CEP112: variants seen among roughly 807,000 people sequenced by gnomAD.
CEP112 encodes centrosomal protein 112.
A neutral mutation model predicts 153.0 loss-of-function variants in CEP112; 127 were observed. The ratio of observed to expected loss-of-function variants is 0.83; its 90% CI spans 0.72 to 0.96. The LOEUF (loss-of-function observed/expected upper bound fraction) is 0.96, where lower values mean the gene tolerates loss of function less well. CEP112 is among the 40% of genes least tolerant of loss of function. The pLI is 0.00. For missense variants in CEP112, 1,089 were observed against 1,101.2 expected (o/e 0.99, Z 0.16); for synonymous variants, 358 against 374.4 (o/e 0.96, Z 0.51).
chr17:66,149,894 T>TTG lies in CEP112; in HGVS notation c.471-17132_471-17131insCA, dbSNP rs534036143. On this transcript the variant is annotated intron_variant, in intron 4 of 26. Coordinates refer to ENST00000535342, the MANE Select transcript of CEP112 (RefSeq NM_001199165.4). ...TTTTTTTTTTTGTTTGTTTGTTTTT[T>TTG]TTTTTTTTTTTTTTTGAGATGGAGT... 3.8e-4 allele frequency among the ~76,000 whole-genome samples: 40 copies of TTG among 104,276 alleles called. 2 individuals carry two copies. The South Asian group carries it at 7.6e-3, about 20-fold the overall frequency. The allele number at this position is 104,276 out of a possible 152,430, so 68.4% of individuals were successfully genotyped here.
intron 21 of CEP112, among the ~76,000 whole-genome samples, chr17:65,802,917 T>C (rs2145838055): frequency 6.6e-6 from 1 of 152,352 alleles, no homozygotes; most frequent in South Asian, 2.1e-4. Context: ...CTCTCATCTC[T>C]TGAATGTGGG....
chr17:65,997,764 A>T (rs1451785145), intron 17 of CEP112, among the ~76,000 whole-genome samples: 1 of 137,130 alleles, frequency 7.3e-6, no homozygotes, highest in Non-Finnish European at 1.6e-5. Flanking sequence ...ATCCCTTTCA[A>T]TGCATTTATA....
At chr17:65,966,993 A>G (rs1274672295) in intron 17 of CEP112, among the ~76,000 whole-genome samples, 2 of 152,238 alleles carry the variant, frequency 1.3e-5, no homozygotes, top group African/African-American at 4.8e-5. Flanking sequence ...AAGGCAAGGA[A>G]TGGATTATTC....
At chr17:66,121,501 T>C (rs1438838783) in intron 6 of CEP112, among the ~76,000 whole-genome samples, 2 of 152,154 alleles carry the variant, frequency 1.3e-5, no homozygotes, top group Admixed American at 6.5e-5. Context: ...GGTGCACTTA[T>C]GGTATTCCAC....
intron 20 of CEP112, among the ~76,000 whole-genome samples, chr17:65,872,264 TTAAA>T (rs1413916586): frequency 6.6e-6 from 1 of 152,068 alleles, no homozygotes; most frequent in Non-Finnish European, 1.5e-5. Flanking sequence ...AAGGCTATTC[TTAAA>T]TAAATTCAAG....
At chr17:66,184,264 TAAAA>T (rs1265546363) in intron 1 of CEP112, among the ~76,000 whole-genome samples, 1 of 151,120 alleles carries the variant, frequency 6.6e-6, no homozygotes, top group Non-Finnish European at 1.5e-5. Flanking sequence ...ATCTCAAAAA[TAAAA>T]AAGAAAGCTG....
intron 12 of CEP112, among the ~76,000 whole-genome samples, chr17:66,051,020 C>T (rs913503261): frequency 1.1e-4 from 16 of 152,076 alleles, no homozygotes; most frequent in African/African-American, 3.9e-4. Flanking sequence ...GGATCCATTG[C>T]CCAAGCTGGC....
At chr17:65,663,774 G>C (rs1301702390) in intron 24 of CEP112, among the ~76,000 whole-genome samples, 1 of 152,174 alleles carries the variant, frequency 6.6e-6, no homozygotes, top group African/African-American at 2.4e-5. Context: ...AACAGTTTTG[G>C]GGGGAAGCAA....
intron 19 of CEP112, among the ~76,000 whole-genome samples, chr17:65,921,724 G>T (rs564070072): frequency 6.6e-6 from 1 of 152,146 alleles, no homozygotes; most frequent in Admixed American, 6.5e-5. Flanking sequence ...GGATGCAATG[G>T]TGTATGGCTT....
At chr17:66,008,325 A>G (rs1052223187) in intron 16 of CEP112, among the ~76,000 whole-genome samples, 5 of 152,114 alleles carry the variant, frequency 3.3e-5, no homozygotes, top group African/African-American at 9.7e-5. Flanking sequence ...AATAATCACC[A>G]TATTATATCT....
At chr17:65,969,743 CTA>C (rs1229454944) in intron 17 of CEP112, among the ~76,000 whole-genome samples, 1 of 151,938 alleles carries the variant, frequency 6.6e-6, no homozygotes, top group African/African-American at 2.4e-5. Context: ...CATGCATACA[CTA>C]CACGAATGCT....
intron 19 of CEP112, among the ~76,000 whole-genome samples, chr17:65,903,580 G>A (rs1195069052): frequency 6.6e-5 from 10 of 152,050 alleles, no homozygotes; most frequent in Middle Eastern, 3.2e-3. Flanking sequence ...TCCAAACAGC[G>A]GAAAAAGTGG....
intron 16 of CEP112, among the ~76,000 whole-genome samples, chr17:66,026,528 T>C (rs11653887): frequency 0.51 from 78,249 of 151,970 alleles, 21,073 homozygotes; most frequent in African/African-American, 0.59. Context: ...ATACATCCCA[T>C]TGATTGTGTA....
rs182322121 is a variant in CEP112 at position 66,175,435 on chromosome 17, T to C, written c.298-219A>G. ...TAGTTGCACTCTACTGTCTAAGAAA[T>C]ACAATAAACAGAAGTACATAACAGA... On this transcript the variant is annotated intron_variant, in intron 3 of 26. Transcript: ENST00000535342. Among the ~76,000 whole-genome samples the C allele has an allele frequency of 3.3e-5, 5 of 152,254 alleles. No individual in the cohort carries two copies. The East Asian group carries it at 7.7e-4, about 23-fold the overall frequency.
rs914668307 is a variant in CEP112, at chr17:66,174,284, A to G, written c.470+760T>C. On this transcript the variant is annotated intron_variant, in intron 4 of 26. Coordinates refer to ENST00000535342, the MANE Select transcript of CEP112 (RefSeq NM_001199165.4). ...TCTGAAAAACATATAAACAGACTAC[A>G]TCAACTGTGGAGACATTTCAAATTA... Among the ~76,000 whole-genome samples, 4 of 152,360 alleles carry G rather than the reference A, an allele frequency of 2.6e-5. No individual in the cohort carries two copies. In the South Asian group the frequency reaches 6.2e-4, roughly 24 times the overall value.
chr17:66,111,094 A>T (rs1023619824), intron 6 of CEP112, among the ~76,000 whole-genome samples: 5 of 152,234 alleles, frequency 3.3e-5, no homozygotes, highest in African/African-American at 1.2e-4. Flanking sequence ...GCCAACAAGC[A>T]TACGGAAAAA....
At chr17:66,190,325 GA>G (rs1222424214) in intron 1 of CEP112, among the ~76,000 whole-genome samples, 1 of 149,192 alleles carries the variant, frequency 6.7e-6, no homozygotes, top group Non-Finnish European at 1.5e-5. Flanking sequence ...AAAAAAAATT[GA>G]AAATGAAAAA....
At chr17:65,875,169 TTGA>T (rs1389021857) in intron 20 of CEP112, among the ~76,000 whole-genome samples, 1 of 151,892 alleles carries the variant, frequency 6.6e-6, no homozygotes, top group African/African-American at 2.4e-5. Flanking sequence ...TGAAAAAAAA[TTGA>T]TGATGAATTA....
Position 65,851,998 on chromosome 17 carries a change from T to C in CEP112, c.2200A>G (p.Arg734Gly), listed in dbSNP as rs2057950775. The change falls in exon 21 of 27, where the codon AGA (arginine) becomes GGA (glycine). Residue 734 changes from arginine (R) to glycine (G), a missense_variant. Coordinates refer to ENST00000535342, the MANE Select transcript of CEP112 (RefSeq NM_001199165.4). ...GAGTTCACATTGATCAATTCTTCTCTCAACTTGTGAACCTGGGCCTCCATG... is the reference window on the plus strand; with the variant it reads ...GAGTTCACATTGATCAATTCTTCTCCCAACTTGTGAACCTGGGCCTCCATG... ...ADMEAQVHKL[R>G]EELINVNSQR... 1 of 1,612,616 alleles carries C rather than the reference T, an allele frequency of 6.2e-7. No individual in the cohort carries two copies. The highest frequency in any genetic ancestry group is 2.2e-5 in the East Asian group (1 of 44,872).
Sources: allele counts gnomAD v4.1 joint callset (sites outside exome capture counted in the v4.1 genomes callset), GRCh38; gene constraint gnomAD v4.1.1; transcripts MANE v1.5; gene names NCBI Gene and HGNC (gene_info 2026-07-23, HGNC 2026-07-21).